CFAP69: variants seen among roughly 807,000 people sequenced by gnomAD.
The protein encoded by CFAP69 is cilia- and flagella-associated protein 69.
CFAP69 carries 92 observed loss-of-function variants against 123.0 expected under a neutral mutation model. The observed-to-expected ratio is 0.75, with a 90% confidence interval of 0.63 to 0.89. The LOEUF is 0.89. CFAP69 is among the 40% of genes least tolerant of loss of function. The probability of loss-of-function intolerance (pLI) is 0.00; values close to 1 mark genes in which losing one functional copy is unlikely to be tolerated. For synonymous variants in CFAP69, 380 were observed against 364.3 expected (o/e 1.04, Z -0.49); for missense variants, 1,067 against 1,096.9 (o/e 0.97, Z 0.39).
intron 3 of CFAP69, among the ~76,000 whole-genome samples, chr7:90,258,617 CAT>C (rs1797936374): frequency 6.6e-6 from 1 of 152,104 alleles, no homozygotes; most frequent in Non-Finnish European, 1.5e-5. Flanking sequence ...AATTCCTAAT[CAT>C]ATGTGAAAAG....
chr7:90,299,148 A>G (rs1314519972), intron 16 of CFAP69, among the ~76,000 whole-genome samples: 1 of 152,164 alleles, frequency 6.6e-6, no homozygotes, highest in East Asian at 1.9e-4. Flanking sequence ...AAGCTTACAT[A>G]TTTCCTTTGC....
At chr7:90,288,083 G>A (rs1261903118) in intron 14 of CFAP69, 151 bp from the exon 15 acceptor site, 10 of 553,978 alleles carry the variant, frequency 1.8e-5, no homozygotes, top group Non-Finnish European at 2.4e-5. Context: ...AAGTAAGTAC[G>A]GTTTTTTAAA....
chr7:90,265,155 T>C (rs1010937551), intron 4 of CFAP69, 146 bp from the exon 5 acceptor site: 15 of 509,626 alleles, frequency 2.9e-5, no homozygotes, highest in Admixed American at 2.6e-4. Context: ...CAACTGGTAG[T>C]TAATAATTGT....
chr7:90,295,409 C>T (rs184889140), intron 15 of CFAP69, among the ~76,000 whole-genome samples: 1 of 152,280 alleles, frequency 6.6e-6, no homozygotes, highest in East Asian at 1.9e-4. Context: ...ATCCTTCAGC[C>T]GAGTACCCAA....
intron 15 of CFAP69, 69 bp from the exon 16 acceptor site, chr7:90,297,674 TGATAAA>T: frequency 1.1e-6 from 1 of 877,498 alleles, no homozygotes; most frequent in Non-Finnish European, 1.7e-6. Context: ...GAAAATGCTT[TGATAAA>T]GATAAAGCTG....
At position 90,279,663 on chromosome 7, in the gene CFAP69, G is replaced by A. The variant is rs934134495; in HGVS notation, c.1156-14G>A. 1 of 1,546,544 alleles carries A rather than the reference G, an allele frequency of 6.5e-7. No homozygotes were observed. Among genetic ancestry groups the A allele is most frequent in the African/African-American group, 1.4e-5 (1 of 72,462 alleles). ...CTATGTTTCTAACAAAGTATCCTTT[G>A]TTCTTTCTCACAGCTATTAATTGAT... On this transcript the variant is annotated splice_polypyrimidine_tract_variant and intron_variant, in intron 11 of 22. Transcript: ENST00000389297.
intron 8 of CFAP69, 94 bp downstream of exon 8, chr7:90,272,052 A>G (rs368280562): frequency 1.5e-5 from 18 of 1,189,632 alleles, no homozygotes; most frequent in East Asian, 1.5e-4. Context: ...GTGTTCAATT[A>G]TGTTTTAGAT....
the CFAP69 span, chr7:90,319,248 TA>T: frequency 5.0e-6 from 2 of 397,430 alleles, no homozygotes; most frequent in Non-Finnish European, 4.4e-6. Flanking sequence ...AAAAACTAAA[TA>T]TGGTAAATTT....
intron 22 of CFAP69, 152 bp from the exon 23 acceptor site, chr7:90,309,916 C>T (rs1584568443): frequency 1.3e-5 from 7 of 556,854 alleles, no homozygotes; most frequent in East Asian, 6.0e-5. Flanking sequence ...TTCCTGGCTC[C>T]GATGCCCTTA....
chr7:90,273,643 C>T (rs17863973), intron 8 of CFAP69, among the ~76,000 whole-genome samples: 8,108 of 152,074 alleles, frequency 0.053, 274 homozygotes, highest in Non-Finnish European at 0.077. Flanking sequence ...AATAAAGTAC[C>T]GTAAACTGGG....
At chr7:90,245,579 G>C in intron 1 of CFAP69, 35 bp downstream of exon 1, 1 of 1,447,652 alleles carries the variant, frequency 6.9e-7, no homozygotes, top group East Asian at 2.8e-5. Context: ...AGAGGTGGAG[G>C]GGGTGGGAGT....
intron 15 of CFAP69, among the ~76,000 whole-genome samples, chr7:90,293,750 T>C (rs927030982): frequency 1.3e-5 from 2 of 152,216 alleles, no homozygotes; most frequent in African/African-American, 4.8e-5. Flanking sequence ...TTCAGCATTC[T>C]AATTATGTAC....
chr7:90,263,732 A>G (rs1437247934), intron 4 of CFAP69, among the ~76,000 whole-genome samples: 1 of 152,118 alleles, frequency 6.6e-6, no homozygotes, highest in Non-Finnish European at 1.5e-5. Context: ...GTATATTGCT[A>G]TTGATACATC....
At chr7:90,247,594 TC>T (rs555856619) in intron 1 of CFAP69, among the ~76,000 whole-genome samples, 123 of 152,298 alleles carry the variant, frequency 8.1e-4, no homozygotes, top group African/African-American at 2.9e-3. Flanking sequence ...ACACCTGTAA[TC>T]CCAGCACTTT....
chr7:90,304,664 T>C, intron 18 of CFAP69, 80 bp from the exon 19 acceptor site: 1 of 1,390,644 alleles, frequency 7.2e-7, no homozygotes, highest in South Asian at 1.3e-5. Context: ...GATAGATAGA[T>C]AGATAGATAG....
At chr7:90,286,544 G>C in intron 14 of CFAP69, 145 bp downstream of exon 14, 1 of 798,242 alleles carries the variant, frequency 1.3e-6, no homozygotes, top group South Asian at 1.8e-5. Context: ...TAAAGTAAAA[G>C]GTACAGAATA....
In CFAP69 at chr7:90,246,022, A is replaced by G. The variant is rs531241489; in HGVS notation, c.120+478A>G. On this transcript the variant is annotated intron_variant, in intron 1 of 22. Transcript: ENST00000389297. Reference sequence around the variant, plus strand: ...CGACTAAAGCCTGCACCCAGAGGGGAGGAAAACGCTGTTAAATTAGAAATT... The same window carrying G: ...CGACTAAAGCCTGCACCCAGAGGGGGGGAAAACGCTGTTAAATTAGAAATT... Among the ~76,000 whole-genome samples the G allele has an allele frequency of 2.6e-5, 4 of 152,308 alleles. No individual in the cohort carries two copies. The South Asian group carries it at 8.3e-4, about 32-fold the overall frequency.
At chr7:90,250,186 AG>A (rs1796798897) in intron 1 of CFAP69, among the ~76,000 whole-genome samples, 1 of 70,646 alleles carries the variant, frequency 1.4e-5, no homozygotes, top group Non-Finnish European at 2.8e-5. Flanking sequence ...CTTTAAAGAG[AG>A]GAGAGAGAGA....
intron 8 of CFAP69, among the ~76,000 whole-genome samples, chr7:90,273,465 G>C (rs1800249343): frequency 6.6e-6 from 1 of 152,146 alleles, no homozygotes; most frequent in African/African-American, 2.4e-5. Flanking sequence ...TAATAGACTG[G>C]TTTAGTGGAT....
Sources: gnomAD v4.1 joint callset for allele counts (sites outside exome capture counted in the v4.1 genomes callset) on GRCh38, gnomAD v4.1.1 for gene constraint, MANE v1.5 for transcripts, NCBI Gene and HGNC (gene_info 2026-07-23, HGNC 2026-07-21) for gene names.